Variants in KCNH7 observed in about 807,000 individuals in gnomAD.
KCNH7 encodes potassium voltage-gated channel subfamily H member 7, also known as voltage-gated inwardly rectifying potassium channel KCNH7.
Under a neutral mutation model 120.8 loss-of-function variants are expected in KCNH7, and 49 were observed. That is an observed-to-expected ratio of 0.41 (90% CI 0.32 to 0.51). The LOEUF (loss-of-function observed/expected upper bound fraction) is 0.51. KCNH7 is among the 20% of genes least tolerant of loss of function. KCNH7 has a pLI of 0.38. For synonymous variants in KCNH7, 547 were observed against 516.1 expected (o/e 1.06, Z -0.81); for missense variants, 1,097 against 1,446.6 (o/e 0.76, Z 3.92).
intron 9 of KCNH7, among the ~76,000 whole-genome samples, chr2:162,409,133 C>T (rs768272634): frequency 1.3e-5 from 2 of 151,580 alleles, no homozygotes; most frequent in African/African-American, 4.8e-5. Context: ...AGCTTAAATA[C>T]ATCTAAGGGC....
chr2:162,482,875 A>G (rs1689975897), intron 6 of KCNH7, among the ~76,000 whole-genome samples: 2 of 152,298 alleles, frequency 1.3e-5, no homozygotes, highest in South Asian at 4.1e-4. Flanking sequence ...TATTTTCTGG[A>G]ACATAAACTG....
intron 12 of KCNH7, among the ~76,000 whole-genome samples, chr2:162,388,324 C>T (rs1686639851): frequency 6.6e-6 from 1 of 151,474 alleles, no homozygotes; most frequent in African/African-American, 2.4e-5. Flanking sequence ...TTAGAAGTTG[C>T]TAAGAGATTA....
At chr2:162,776,239 T>C (rs1683233118) in intron 2 of KCNH7, among the ~76,000 whole-genome samples, 2 of 152,154 alleles carry the variant, frequency 1.3e-5, no homozygotes, top group Admixed American at 6.6e-5. Flanking sequence ...ACATGTAGCC[T>C]CTGGATGGGA....
intron 2 of KCNH7, among the ~76,000 whole-genome samples, chr2:162,649,232 T>G (rs530398235): frequency 6.6e-6 from 1 of 152,304 alleles, no homozygotes; most frequent in African/African-American, 2.4e-5. Context: ...GATTTTGAAA[T>G]AACATGCACC....
intron 2 of KCNH7, among the ~76,000 whole-genome samples, chr2:162,757,680 T>C (rs143477445): frequency 1.3e-5 from 2 of 152,134 alleles, no homozygotes; most frequent in East Asian, 1.9e-4. Flanking sequence ...GAGAATGACA[T>C]GAAAAAAAAA....
At chr2:162,468,944 A>G (rs1689400894) in intron 6 of KCNH7, among the ~76,000 whole-genome samples, 2 of 151,868 alleles carry the variant, frequency 1.3e-5, no homozygotes, top group East Asian at 3.9e-4. Flanking sequence ...TCGAACTTCC[A>G]GGCCCAGGTG....
chr2:162,694,665 G>A (rs1389698747), intron 2 of KCNH7, among the ~76,000 whole-genome samples: 2 of 152,122 alleles, frequency 1.3e-5, no homozygotes, highest in African/African-American at 4.8e-5. Flanking sequence ...AAACTACTAA[G>A]AGGAGGTAGG....
At position 162,383,193 on chromosome 2, in the gene KCNH7, T is replaced by G. The variant is rs561149693; in HGVS notation, c.2962+1495A>C. Among the ~76,000 whole-genome samples, 393 of 152,006 alleles carry G rather than the reference T, an allele frequency of 2.6e-3. 6 individuals carry two copies. Among genetic ancestry groups the G allele is most frequent in the African/African-American group, 8.9e-3 (370 of 41,510 alleles). On this transcript the variant is annotated intron_variant, in intron 13 of 15. Coordinates refer to ENST00000332142, the MANE Select transcript of KCNH7 (RefSeq NM_033272.4). Reference sequence around the variant, plus strand: ...AAACTCAAGGGGAAAACAACAAGCATTCTTATTAGGTTCACATTATGTTGA... The same window carrying G: ...AAACTCAAGGGGAAAACAACAAGCAGTCTTATTAGGTTCACATTATGTTGA...
rs557510675 is a variant in KCNH7, at chr2:162,469,988, C to T, written c.1129-23545G>A. Among the ~76,000 whole-genome samples, 457 of 152,364 alleles carry T rather than the reference C, an allele frequency of 3.0e-3. 1 individual carries two copies. The highest frequency in any genetic ancestry group is 5.6e-3 in the Non-Finnish European group (381 of 68,030). ...CCTCCCGAGGTGCCGGGATTGCAGA[C>T]GGAGTCTCGTTCACTCAGTGCTCAA... On this transcript the variant is annotated intron_variant, in intron 6 of 15. Transcript: ENST00000332142.
chr2:162,658,292 T>C (rs1483582995), intron 2 of KCNH7, among the ~76,000 whole-genome samples: 1 of 152,084 alleles, frequency 6.6e-6, no homozygotes, highest in African/African-American at 2.4e-5. Context: ...TGTTAAAGGA[T>C]AGGTGACTAT....
intron 2 of KCNH7, among the ~76,000 whole-genome samples, chr2:162,699,303 ATTTCACCGAATGTC>A (rs1332481475): frequency 6.6e-6 from 1 of 152,070 alleles, no homozygotes; most frequent in Non-Finnish European, 1.5e-5. Context: ...TGCTTGTCTT[ATTTCACCGAATGTC>A]CTCCAGGTTC....
chr2:162,511,604 C>A (rs1292143957), intron 5 of KCNH7, among the ~76,000 whole-genome samples: 2 of 151,430 alleles, frequency 1.3e-5, no homozygotes, highest in Non-Finnish European at 3.0e-5. Context: ...TGGGGGGATA[C>A]TGCCATAATT....
intron 2 of KCNH7, among the ~76,000 whole-genome samples, chr2:162,713,490 C>T (rs904795581): frequency 1.3e-5 from 2 of 151,988 alleles, no homozygotes. Context: ...TGAAGAATTA[C>T]ATAAAATTGC....
intron 2 of KCNH7, among the ~76,000 whole-genome samples, chr2:162,544,325 G>C (rs555235769): frequency 1.9e-4 from 29 of 152,214 alleles, no homozygotes; most frequent in African/African-American, 7.0e-4. Context: ...TAGGTACCAG[G>C]ATTAGCATTT....
intron 2 of KCNH7, among the ~76,000 whole-genome samples, chr2:162,571,725 C>T (rs1358304154): frequency 4.6e-5 from 6 of 131,084 alleles, no homozygotes; most frequent in Non-Finnish European, 9.4e-5. Context: ...AGAACAGAGC[C>T]CTCAGAAATA....
intron 2 of KCNH7, among the ~76,000 whole-genome samples, chr2:162,645,131 C>T (rs967398411): frequency 6.6e-6 from 1 of 151,960 alleles, no homozygotes; most frequent in African/African-American, 2.4e-5. Context: ...TTCACCTCTG[C>T]TTGATTTGAG....
chr2:162,517,886 G>A lies in KCNH7; in HGVS notation c.736C>T (p.Arg246Ter), dbSNP rs1558990314. The A allele has an allele frequency of 1.2e-6, 2 of 1,612,302 alleles. No individual in the cohort carries two copies. Among genetic ancestry groups the A allele is most frequent in the East Asian group, 2.2e-5 (1 of 44,762 alleles). The change falls in exon 4 of 16, where the codon CGA (arginine) becomes TGA (stop). Residue 246 changes from arginine to a stop codon, truncating the protein, a stop_gained. Transcript: ENST00000332142. LOFTEE classifies it high-confidence loss of function. ...DHSSPKRQWD[R>*]LYPDMLQSSS... ...GACTGCAGCATGTCAGGGTAGAGTC[G>A]GTCCCATTGCCTTTTGGGAGAGGAA... is the stretch of plus-strand genomic sequence containing the variant.
chr2:162,406,893 AC>A (rs1400631103), intron 9 of KCNH7, among the ~76,000 whole-genome samples: 1 of 152,028 alleles, frequency 6.6e-6, no homozygotes, highest in African/African-American at 2.4e-5. Context: ...GAAATAGGAA[AC>A]ATACATATTT....
intron 2 of KCNH7, among the ~76,000 whole-genome samples, chr2:162,833,324 A>C (rs561375826): frequency 6.6e-6 from 1 of 152,224 alleles, no homozygotes; most frequent in East Asian, 1.9e-4. Flanking sequence ...GCATCATCTA[A>C]AACTATGAAC....
Sources: allele counts gnomAD v4.1 joint callset (sites outside exome capture counted in the v4.1 genomes callset), GRCh38; gene constraint gnomAD v4.1.1; transcripts MANE v1.5; gene names NCBI Gene and HGNC (gene_info 2026-07-23, HGNC 2026-07-21).